BBX: variants seen among roughly 807,000 people sequenced by gnomAD.
BBX encodes the protein BBX high mobility group box domain containing.
A neutral mutation model predicts 100.2 loss-of-function variants in BBX; 30 were observed. The ratio of observed to expected loss-of-function variants is 0.30; its 90% CI spans 0.22 to 0.41. The LOEUF (loss-of-function observed/expected upper bound fraction) is 0.41, where lower values mean the gene tolerates loss of function less well. BBX is among the 10% of genes least tolerant of loss of function. BBX has a pLI of 1.00. For missense variants in BBX, 1,023 were observed against 1,129.8 expected, an observed-to-expected ratio of 0.91 and a Z score of 1.35; for synonymous variants, 376 against 388.1, an observed-to-expected ratio of 0.97 and a Z score of 0.37.
chr3:107,695,589 A>G (rs1240342813), intron 3 of BBX, among the ~76,000 whole-genome samples: 8 of 150,858 alleles, frequency 5.3e-5, no homozygotes, highest in Non-Finnish European at 1.5e-5. Context: ...GTTCTTTTAC[A>G]TTTGCTGAGG....
intron 2 of BBX, among the ~76,000 whole-genome samples, chr3:107,614,164 A>T (rs1298435591): frequency 3.3e-5 from 5 of 151,702 alleles, no homozygotes; most frequent in African/African-American, 1.2e-4. Context: ...TTTGGCCAGG[A>T]TGGTCTTGAT....
intron 2 of BBX, among the ~76,000 whole-genome samples, chr3:107,642,366 C>T (rs1238037728): frequency 6.6e-6 from 1 of 152,092 alleles, no homozygotes; most frequent in African/African-American, 2.4e-5. Context: ...AGAATTGTAT[C>T]CATGTAAAGA....
chr3:107,659,231 T>C (rs965164901), intron 3 of BBX, among the ~76,000 whole-genome samples: 2 of 151,976 alleles, frequency 1.3e-5, no homozygotes, highest in Non-Finnish European at 2.9e-5. Flanking sequence ...ATTTGGCCGT[T>C]AACATTTTAT....
At chr3:107,668,778 C>T (rs1206233042) in intron 3 of BBX, among the ~76,000 whole-genome samples, 8 of 152,056 alleles carry the variant, frequency 5.3e-5, no homozygotes, top group African/African-American at 1.9e-4. Flanking sequence ...AAAAAATGTG[C>T]CGGAGACTTT....
intron 3 of BBX, among the ~76,000 whole-genome samples, chr3:107,704,767 C>T (rs578011425): frequency 2.0e-5 from 3 of 152,252 alleles, no homozygotes; most frequent in African/African-American, 7.2e-5. Flanking sequence ...CTTTGGAGGA[C>T]ACATTTCAAT....
At chr3:107,583,618 T>C (rs1194946304) in intron 2 of BBX, among the ~76,000 whole-genome samples, 2 of 151,688 alleles carry the variant, frequency 1.3e-5, no homozygotes, top group Non-Finnish European at 2.9e-5. Context: ...TTTTGAAGTA[T>C]ACAATAAATT....
At position 107,772,935 on chromosome 3, in the gene BBX, A is replaced by G. The variant is rs904083247; in HGVS notation, c.1214A>G (p.His405Arg). The G allele has an allele frequency of 4.3e-6, 7 of 1,611,766 alleles. No individual in the cohort carries two copies. The highest frequency in any genetic ancestry group is 1.3e-5 in the African/African-American group (1 of 74,868). The change falls in exon 11 of 18, where the codon CAT (histidine) becomes CGT (arginine). Residue 405 changes from histidine to arginine, a missense_variant. Around this residue, in one of 9 missense-constraint regions of BBX, gnomAD observed 348 missense variants for 353.2 expected, o/e 0.99. Coordinates refer to ENST00000325805, the MANE Select transcript of BBX (RefSeq NM_001142568.3). ...EELEEDHKCSHFPDFSYSASS... is the reference protein window; with the variant it reads ...EELEEDHKCSRFPDFSYSASS... ...TTAGAAGAAGATCACAAATGTAGTC[A>G]TTTTCCTGATTTTTCTTATTCTGCC...
intron 5 of BBX, among the ~76,000 whole-genome samples, chr3:107,724,957 A>G (rs1353182453): frequency 6.6e-6 from 1 of 152,202 alleles, no homozygotes; most frequent in Non-Finnish European, 1.5e-5. Context: ...AGGCATTGGT[A>G]GCTTGATAGG....
intron 16 of BBX, among the ~76,000 whole-genome samples, chr3:107,799,910 G>A (rs1215547302): frequency 6.6e-6 from 1 of 152,168 alleles, no homozygotes; most frequent in Non-Finnish European, 1.5e-5. Context: ...ATACCAGCTA[G>A]GTACTAGTGG....
chr3:107,682,984 G>T (rs1027170114), intron 3 of BBX, among the ~76,000 whole-genome samples: 3 of 151,948 alleles, frequency 2.0e-5, no homozygotes, highest in African/African-American at 7.2e-5. Flanking sequence ...TTTTTTGTTT[G>T]TAAAATAAGA....
chr3:107,584,164 T>TG (rs1297867315), intron 2 of BBX, among the ~76,000 whole-genome samples: 1 of 23,094 alleles, frequency 4.3e-5, no homozygotes, highest in Non-Finnish European at 7.4e-5. Context: ...ATGATATATA[T>TG]ATTATTATAT....
At chr3:107,590,610 T>A (rs1282540405) in intron 2 of BBX, among the ~76,000 whole-genome samples, 1 of 152,208 alleles carries the variant, frequency 6.6e-6, no homozygotes, top group Non-Finnish European at 1.5e-5. Context: ...ACTATACACA[T>A]CTATCTTACA....
Position 107,773,249 on chromosome 3 carries a change from A to C in BBX, c.1528A>C (p.Lys510Gln). 1 of 1,614,070 alleles carries C rather than the reference A, an allele frequency of 6.2e-7. No homozygotes were observed. The highest frequency in any genetic ancestry group is 8.5e-7 in the Non-Finnish European group (1 of 1,179,986). ...GAAACTTGGAGATACCCCTCGCAAGAAGGTCCGCACATCCTCAAGTGGCAA... is the reference window on the plus strand; with the variant it reads ...GAAACTTGGAGATACCCCTCGCAAGCAGGTCCGCACATCCTCAAGTGGCAA... The part of the protein sequence containing the change: ...IEKLGDTPRK[K>Q]VRTSSSGKGS... The change falls in exon 11 of 18, where the codon AAG (lysine) becomes CAG (glutamine). Residue 510 changes from lysine to glutamine, a missense_variant. Around this residue, in one of 9 missense-constraint regions of BBX, gnomAD observed 348 missense variants for 353.2 expected, o/e 0.99. Coordinates refer to ENST00000325805, the MANE Select transcript of BBX (RefSeq NM_001142568.3). The surrounding 1 kb of genome is among the most constrained non-coding windows in gnomAD (Gnocchi z 4.1).
At chr3:107,731,450 A>G (rs2063311005) in intron 6 of BBX, among the ~76,000 whole-genome samples, 1 of 152,190 alleles carries the variant, frequency 6.6e-6, no homozygotes, top group Non-Finnish European at 1.5e-5. Flanking sequence ...AGATTTAAGT[A>G]TCTATTTCAA....
At chr3:107,616,354 G>A (rs987776641) in intron 2 of BBX, among the ~76,000 whole-genome samples, 1 of 151,940 alleles carries the variant, frequency 6.6e-6, no homozygotes, top group Non-Finnish European at 1.5e-5. Flanking sequence ...TTTGGAAAAG[G>A]GTTACTCAGC....
At chr3:107,712,966 A>G (rs1416135519) in intron 4 of BBX, among the ~76,000 whole-genome samples, 4 of 152,202 alleles carry the variant, frequency 2.6e-5, no homozygotes, top group Admixed American at 6.5e-5. Context: ...CACCTTCTGC[A>G]TATTGGTATC....
chr3:107,611,496 C>T (rs1295968183), intron 2 of BBX, among the ~76,000 whole-genome samples: 1 of 152,144 alleles, frequency 6.6e-6, no homozygotes, highest in Non-Finnish European at 1.5e-5. Context: ...ATTATTTTCA[C>T]CAGATATACT....
intron 3 of BBX, among the ~76,000 whole-genome samples, chr3:107,702,911 G>A (rs1386378802): frequency 1.3e-5 from 2 of 152,146 alleles, no homozygotes; most frequent in Admixed American, 1.3e-4. Flanking sequence ...CATGTGGCGG[G>A]TGTGGAGAGC....
chr3:107,798,829 A>G (rs1358044826), intron 16 of BBX, 109 bp downstream of exon 16: 5 of 974,590 alleles, frequency 5.1e-6, no homozygotes, highest in East Asian at 2.7e-5. Context: ...ACAATAGCCA[A>G]TGAGCTAAAA....
Sources: allele counts gnomAD v4.1 joint callset (sites outside exome capture counted in the v4.1 genomes callset), GRCh38; gene constraint gnomAD v4.1.1; regional missense constraint gnomAD v4.1.1; non-coding constraint Gnocchi (gnomAD v3.1); transcripts MANE v1.5; gene names NCBI Gene and HGNC (gene_info 2026-07-23, HGNC 2026-07-21).